Variants in STK38 observed in about 807,000 individuals in gnomAD.
STK38 encodes the protein serine/threonine kinase 38.
In STK38, 26 loss-of-function variants were observed where a neutral mutation model predicts 59.0. That is an observed-to-expected ratio of 0.44 (90% CI 0.32 to 0.61). STK38 has a LOEUF of 0.61. Among genes scored for constraint, STK38 ranks in the 20% least tolerant of loss-of-function variants. The pLI, the probability that STK38 is intolerant of heterozygous loss-of-function variation, is 0.04. For missense variants in STK38, 433 were observed against 566.0 expected (o/e 0.76, Z 2.38); for synonymous variants, 175 against 176.6 (o/e 0.99, Z 0.07).
Position 36,495,919 on chromosome 6 carries a change from G to A in STK38, c.1268-5C>T. On this transcript the variant is annotated splice_polypyrimidine_tract_variant and splice_region_variant and intron_variant, in intron 13 of 13. Coordinates refer to ENST00000229812, the MANE Select transcript of STK38 (RefSeq NM_007271.4). ...CAGGATGATTACTTGTGGCCACTGG[G>A]AAAGAAATAGATGTGAGAGTTGATT... 4 of 1,613,718 alleles carry A rather than the reference G, an allele frequency of 2.5e-6. No homozygotes were observed. Among genetic ancestry groups the A allele is most frequent in the African/African-American group, 1.3e-5 (1 of 75,014 alleles).
intron 2 of STK38, among the ~76,000 whole-genome samples, chr6:36,538,977 TAATA>T (rs747578019): frequency 3.3e-5 from 5 of 150,676 alleles, no homozygotes; most frequent in Non-Finnish European, 5.9e-5. Flanking sequence ...TAAACAAATA[TAATA>T]AATAACCATT....
chr6:36,520,600 C>T (rs1413926650), intron 5 of STK38, among the ~76,000 whole-genome samples: 1 of 152,152 alleles, frequency 6.6e-6, no homozygotes, highest in East Asian at 1.9e-4. Flanking sequence ...GAAACTTTTT[C>T]AGTGCCTACA....
At chr6:36,515,640 G>C (rs1777233161) in intron 6 of STK38, 148 bp from the exon 7 acceptor site, 2 of 1,381,310 alleles carry the variant, frequency 1.4e-6, no homozygotes, top group African/African-American at 1.5e-5. Context: ...CTGTGTGCCA[G>C]AGATAGACCC....
intron 7 of STK38, among the ~76,000 whole-genome samples, chr6:36,507,930 A>C (rs1418268543): frequency 8.8e-6 from 1 of 113,258 alleles, no homozygotes; most frequent in Non-Finnish European, 1.7e-5. Context: ...GGTATTCAGA[A>C]TTTTTTTTTT....
chr6:36,527,718 A>G (rs1183921150), intron 2 of STK38, among the ~76,000 whole-genome samples: 1 of 152,176 alleles, frequency 6.6e-6, no homozygotes, highest in Non-Finnish European at 1.5e-5. Context: ...AATAAATGAA[A>G]GCACATGGGC....
intron 2 of STK38, among the ~76,000 whole-genome samples, chr6:36,533,011 A>T (rs1221814620): frequency 6.6e-6 from 1 of 150,662 alleles, no homozygotes; most frequent in Non-Finnish European, 1.5e-5. Flanking sequence ...GGTTGCAGTG[A>T]GCCAAGATGG....
chr6:36,525,527 C>T (rs528924132), intron 3 of STK38, 64 bp downstream of exon 3: 2 of 1,476,332 alleles, frequency 1.4e-6, no homozygotes, highest in Non-Finnish European at 1.9e-6. Context: ...AGGCTAACAA[C>T]TCACTGGACA....
intron 7 of STK38, 82 bp downstream of exon 7, chr6:36,515,256 T>C: frequency 6.7e-7 from 1 of 1,486,840 alleles, no homozygotes; most frequent in Non-Finnish European, 9.0e-7. Context: ...CCCACTGGGA[T>C]GACCACAGGG....
intron 9 of STK38, among the ~76,000 whole-genome samples, chr6:36,504,034 G>T (rs1019038329): frequency 1.9e-4 from 29 of 152,144 alleles, no homozygotes; most frequent in African/African-American, 6.8e-4. Context: ...ATTGCTATCT[G>T]GAATAGCTCT....
At chr6:36,510,158 T>C (rs1777073498) in intron 7 of STK38, among the ~76,000 whole-genome samples, 1 of 152,160 alleles carries the variant, frequency 6.6e-6, no homozygotes, top group Non-Finnish European at 1.5e-5. Flanking sequence ...TAGCCATCAA[T>C]CATTTTGTCC....
chr6:36,500,272 A>G (rs1776804622), intron 9 of STK38, among the ~76,000 whole-genome samples: 1 of 152,172 alleles, frequency 6.6e-6, no homozygotes, highest in African/African-American at 2.4e-5. Context: ...CCCATTAAGT[A>G]CTAGGCTCTG....
At chr6:36,508,952 T>C (rs534577791) in intron 7 of STK38, among the ~76,000 whole-genome samples, 2 of 152,316 alleles carry the variant, frequency 1.3e-5, no homozygotes, top group East Asian at 3.8e-4. Context: ...ACCTGGAAGC[T>C]TGGAGATGCC....
intron 4 of STK38, chr6:36,522,262 A>T (rs1022570794): frequency 6.4e-6 from 1 of 155,764 alleles, no homozygotes; most frequent in Non-Finnish European, 1.4e-5. Context: ...GCTTGAGCTC[A>T]GGAGTTATGA....
intron 1 of STK38, 109 bp from the exon 2 acceptor site, chr6:36,540,316 A>G: frequency 1.9e-6 from 2 of 1,041,298 alleles, no homozygotes. Flanking sequence ...TTTCTGGAGG[A>G]CAAACAGGTA....
chr6:36,522,159 G>T (rs1193458101), intron 4 of STK38: 1 of 182,562 alleles, frequency 5.5e-6, no homozygotes, highest in Non-Finnish European at 1.1e-5. Context: ...CTAAGTAAAT[G>T]ATTACAATGA....
At chr6:36,524,200 A>T in intron 4 of STK38, 141 bp downstream of exon 4, 1 of 960,158 alleles carries the variant, frequency 1.0e-6, no homozygotes, top group Non-Finnish European at 1.5e-6. Flanking sequence ...AGACAGACAA[A>T]GCAATTAGGA....
In STK38 at chr6:36,499,950, T is replaced by G; in HGVS notation, c.875A>C (p.Glu292Ala). The change falls in exon 10 of 14, where the codon GAG becomes GCG. Residue 292 changes from glutamate (E) to alanine (A), a missense_variant. Physicochemically the swap from Glu to Ala is moderately radical, Grantham distance 107. This residue lies in a region of STK38 where 293 missense variants were observed against 388.2 expected (regional missense o/e 0.75). Transcript: ENST00000229812. ...TVGTPDYIAP[E>A]VFMQTGYNKL... ...GTTGTACCCGGTCTGCATGAACACC[T>G]CAGGAGCAATGTAGTCAGGAGTGCC... The G allele has an allele frequency of 1.2e-6, 2 of 1,613,980 alleles. No individual in the cohort carries two copies. The highest frequency in any genetic ancestry group is 1.7e-6 in the Non-Finnish European group (2 of 1,179,962).
intron 5 of STK38, among the ~76,000 whole-genome samples, chr6:36,518,939 T>C (rs1382624540): frequency 6.6e-6 from 1 of 152,208 alleles, no homozygotes; most frequent in African/African-American, 2.4e-5. Flanking sequence ...ATGGCTGTTG[T>C]TTGGTTTAAT....
chr6:36,534,836 C>CAAAA (rs1777749006), intron 2 of STK38, among the ~76,000 whole-genome samples: 1 of 121,658 alleles, frequency 8.2e-6, no homozygotes, highest in African/African-American at 3.1e-5. Context: ...TGCACTAAGG[C>CAAAA]AAGGAAAAAA....
Sources: allele counts gnomAD v4.1 joint callset (sites outside exome capture counted in the v4.1 genomes callset), GRCh38; gene constraint gnomAD v4.1.1; regional missense constraint gnomAD v4.1.1; transcripts MANE v1.5; gene names NCBI Gene and HGNC (gene_info 2026-07-23, HGNC 2026-07-21).